Variants in ABCB5 observed in about 807,000 individuals in gnomAD.
ABCB5 encodes ATP binding cassette subfamily B member 5, also known as ATP-binding cassette sub-family B member 5.
A neutral mutation model predicts 144.2 loss-of-function variants in ABCB5; 155 were observed. That is an observed-to-expected ratio of 1.08 (90% CI 0.94 to 1.23). The LOEUF (loss-of-function observed/expected upper bound fraction) is 1.23. Among genes scored for constraint, ABCB5 ranks in the 50% most tolerant of loss-of-function variants. ABCB5 has a pLI of 0.00. For missense variants in ABCB5, 1,830 were observed against 1,520.8 expected (o/e 1.20, Z -3.38); for synonymous variants, 610 against 528.6 (o/e 1.15, Z -2.11).
chr7:20,656,071 A>G (rs932347488), intron 13 of ABCB5, among the ~76,000 whole-genome samples: 1 of 149,900 alleles, frequency 6.7e-6, no homozygotes, highest in African/African-American at 2.5e-5. Flanking sequence ...TGGTGCTGGA[A>G]CAAATGGTTA....
At chr7:20,653,622 T>C (rs1450592297) in intron 13 of ABCB5, among the ~76,000 whole-genome samples, 1 of 152,168 alleles carries the variant, frequency 6.6e-6, no homozygotes, top group African/African-American at 2.4e-5. Flanking sequence ...AGGTACTCCA[T>C]GAATTCTGTC....
At chr7:20,659,366 T>C in intron 14 of ABCB5, 1 of 1,259,550 alleles carries the variant, frequency 7.9e-7, no homozygotes. Context: ...CACATTTTAC[T>C]TTGCATTTGC....
intron 14 of ABCB5, chr7:20,659,287 G>C: frequency 6.9e-7 from 1 of 1,455,518 alleles, no homozygotes; most frequent in South Asian, 1.5e-5. Context: ...AAAAACCATT[G>C]AACAGTTTTC....
chr7:20,716,230 A>C (rs151157340), intron 20 of ABCB5, among the ~76,000 whole-genome samples: 1 of 152,246 alleles, frequency 6.6e-6, no homozygotes, highest in Non-Finnish European at 1.5e-5. Context: ...AAATATTAAA[A>C]GAAACTTCCA....
At chr7:20,624,848 G>A (rs940984338) in intron 2 of ABCB5, among the ~76,000 whole-genome samples, 3 of 152,222 alleles carry the variant, frequency 2.0e-5, no homozygotes, top group Non-Finnish European at 4.4e-5. Flanking sequence ...AGTTTCCTCT[G>A]GGCGCCTCAG....
intron 23 of ABCB5, among the ~76,000 whole-genome samples, chr7:20,730,402 G>A (rs1335043028): frequency 2.0e-5 from 3 of 152,166 alleles, no homozygotes; most frequent in Admixed American, 1.3e-4. Flanking sequence ...CCAGCTACTT[G>A]GGAGGCTGAG....
At chr7:20,659,689 A>G in intron 14 of ABCB5, 2 of 987,456 alleles carry the variant, frequency 2.0e-6, no homozygotes, top group Non-Finnish European at 2.4e-6. Flanking sequence ...TTCATTTTTT[A>G]TACTTAGTAA....
At chr7:20,753,114 CT>C (rs2128058066) in intron 26 of ABCB5, among the ~76,000 whole-genome samples, 1 of 152,142 alleles carries the variant, frequency 6.6e-6, no homozygotes, top group South Asian at 2.1e-4. Flanking sequence ...TGAAAAATTT[CT>C]TTGTGGAAGC....
In ABCB5 at chr7:20,618,532, G is replaced by C. The variant is rs185505826; in HGVS notation, c.-22+2695G>C. 1.3e-4 allele frequency among the ~76,000 whole-genome samples: 20 copies of C among 152,062 alleles called. No homozygotes were observed. The East Asian group carries it at 3.5e-3, about 27-fold the overall frequency. ...CGCCCAGGTAGTGAGCATAGTACTC[G>C]GTAGGTAGTTTTTCAGCACCTTCTC... is the stretch of plus-strand genomic sequence containing the variant. On this transcript the variant is annotated intron_variant, in intron 1 of 27. Coordinates refer to ENST00000404938, the MANE Select transcript of ABCB5 (RefSeq NM_001163941.2).
chr7:20,672,532 C>T (rs553847403), intron 14 of ABCB5, among the ~76,000 whole-genome samples: 1 of 152,018 alleles, frequency 6.6e-6, no homozygotes, highest in African/African-American at 2.4e-5. Context: ...AACAAACCTT[C>T]CAGTTCTGAA....
At position 20,727,510 on chromosome 7, in the gene ABCB5, G is replaced by A. The variant is rs964002028; in HGVS notation, c.2726+370G>A. On this transcript the variant is annotated intron_variant, in intron 22 of 27. Transcript: ENST00000404938. ...AGCACTTTGGGAGGCTGAGGTGGGC[G>A]GATCACTTAAGGTCAACAGTTAGAG... Among the ~76,000 whole-genome samples, 12 of 152,254 alleles carry A rather than the reference G, an allele frequency of 7.9e-5. No individual in the cohort carries two copies. The East Asian group carries it at 1.9e-3, about 24-fold the overall frequency.
At chr7:20,713,822 C>T (rs547058446) in intron 20 of ABCB5, among the ~76,000 whole-genome samples, 2 of 149,638 alleles carry the variant, frequency 1.3e-5, no homozygotes, top group East Asian at 4.0e-4. Context: ...CATGTATGCA[C>T]TACTCAGCTG....
At chr7:20,657,928 G>C (rs1482285555) in intron 13 of ABCB5, among the ~76,000 whole-genome samples, 1 of 152,132 alleles carries the variant, frequency 6.6e-6, no homozygotes, top group Non-Finnish European at 1.5e-5. Flanking sequence ...GGCGCTAGAA[G>C]TTACCCCTAC....
chr7:20,698,604 G>C, intron 17 of ABCB5, 54 bp downstream of exon 17: 1 of 1,507,492 alleles, frequency 6.6e-7, no homozygotes, highest in South Asian at 1.3e-5. Context: ...AGTATGACCT[G>C]AGAGAACAAG....
chr7:20,618,742 T>C (rs1197067928), intron 1 of ABCB5, among the ~76,000 whole-genome samples: 1 of 148,158 alleles, frequency 6.7e-6, no homozygotes, highest in Non-Finnish European at 1.5e-5. Flanking sequence ...AAAGATTTCA[T>C]GGCATATATG....
In ABCB5 at chr7:20,727,043, G is replaced by A. The variant is rs1249918757; in HGVS notation, c.2629G>A (p.Ala877Thr). 1 of 1,607,262 alleles carries A rather than the reference G, an allele frequency of 6.2e-7. No homozygotes were observed. Among genetic ancestry groups the A allele is most frequent in the Non-Finnish European group, 8.5e-7 (1 of 1,176,032 alleles). The change falls in exon 22 of 28, where the codon GCA becomes ACA. Residue 877 changes from alanine to threonine, a missense_variant. Transcript: ENST00000404938. ...KQELKHAGKI[A>T]TEALENIRTI... Reference sequence around the variant, plus strand: ...TTGTATTGTCCTGTTTTATAAGATAGCAACTGAAGCTTTGGAGAATATACG... The same window carrying A: ...TTGTATTGTCCTGTTTTATAAGATAACAACTGAAGCTTTGGAGAATATACG...
chr7:20,625,135 G>A (rs755660522), intron 2 of ABCB5, among the ~76,000 whole-genome samples: 3 of 152,196 alleles, frequency 2.0e-5, no homozygotes, highest in Non-Finnish European at 2.9e-5. Flanking sequence ...AGGGATTGTA[G>A]GGTTTTGCAA....
At chr7:20,725,420 A>C (rs1583453427) in intron 21 of ABCB5, among the ~76,000 whole-genome samples, 2 of 152,300 alleles carry the variant, frequency 1.3e-5, no homozygotes, top group Admixed American at 1.3e-4. Context: ...CTCTACTAAA[A>C]ATACAAAAAT....
At chr7:20,686,208 G>A (rs1296289549) in intron 16 of ABCB5, among the ~76,000 whole-genome samples, 1 of 152,186 alleles carries the variant, frequency 6.6e-6, no homozygotes, top group Admixed American at 6.5e-5. Flanking sequence ...GCCACTCCCG[G>A]AATGCAGATA....
Sources: gnomAD v4.1 joint callset for allele counts (sites outside exome capture counted in the v4.1 genomes callset) on GRCh38, gnomAD v4.1.1 for gene constraint, MANE v1.5 for transcripts, NCBI Gene and HGNC (gene_info 2026-07-23, HGNC 2026-07-21) for gene names.